The following ESPN variants were observed in gnomAD, a reference collection of about 807,000 sequenced individuals.
ESPN encodes espin, also known as autosomal recessive deafness type 36 protein.
A neutral mutation model predicts 77.7 loss-of-function variants in ESPN; 68 were observed. That is an observed-to-expected ratio of 0.87 (90% CI 0.72 to 1.07). ESPN has a LOEUF of 1.07. ESPN is among the 50% of genes least tolerant of loss of function. ESPN has a pLI of 0.00. For missense variants in ESPN, 1,060 were observed against 1,239.0 expected (o/e 0.86, Z 2.17); for synonymous variants, 449 against 567.1 (o/e 0.79, Z 2.96).
rs1165487398 is a variant in ESPN, at chr1:6,450,266, T to C, written c.1915+1175T>C. On this transcript the variant is annotated intron_variant, in intron 8 of 12. Coordinates refer to ENST00000645284, the MANE Select transcript of ESPN (RefSeq NM_031475.3). This position sits in a 1 kb window ranked among gnomAD's most constrained non-coding sequence, Gnocchi z 4.3. ...AAGCCAGGAACTCGATGGACCACCC[T>C]CATGGGGCCCCAGAGCAGCCTGAGC... is the stretch of plus-strand genomic sequence containing the variant. 2 of 155,706 alleles carry C rather than the reference T, an allele frequency of 1.3e-5. No homozygotes were observed. The highest frequency in any genetic ancestry group is 2.1e-4 in the South Asian group (1 of 4,876). 9.6% of individuals were successfully genotyped at this position (155,706 alleles called of 1,614,324 possible). A position where few individuals can be genotyped will look rare whatever the true frequency, so the allele number is the denominator to read the frequency against.
intron 5 of ESPN, among the ~76,000 whole-genome samples, chr1:6,441,864 C>T (rs535531484): frequency 6.6e-6 from 1 of 152,206 alleles, no homozygotes; most frequent in Non-Finnish European, 1.5e-5. Flanking sequence ...TGCCCTCCCC[C>T]CCCCAGCACA....
Position 6,450,341 on chromosome 1 carries a change from CG to C in ESPN, c.1915+1251del, listed in dbSNP as rs1192918816. 2 of 265,604 alleles carry C rather than the reference CG, an allele frequency of 7.5e-6. No individual in the cohort carries two copies. The highest frequency in any genetic ancestry group is 1.3e-4 in the Admixed American group (2 of 15,240). The allele number at this position is 265,604 out of a possible 1,614,324, so 16.5% of individuals were successfully genotyped here. A position where few individuals can be genotyped will look rare whatever the true frequency, so the allele number is the denominator to read the frequency against. ...CCTCCTCTCTTCTCCACTTCCCCCC[CG>C]CCCGCTCTCCCTGGCCCGCTCCCTG... On this transcript the variant is annotated intron_variant, in intron 8 of 12. Transcript: ENST00000645284. The surrounding 1 kb of genome is among the most constrained non-coding windows in gnomAD (Gnocchi z 4.3).
At chr1:6,441,748 G>T (rs2148520746) in intron 5 of ESPN, among the ~76,000 whole-genome samples, 1 of 152,348 alleles carries the variant, frequency 6.6e-6, no homozygotes, top group East Asian at 1.9e-4. Context: ...AACCCGAAAA[G>T]GATGCGGACC....
At chr1:6,434,651 ATTC>A (rs1172027302) in intron 2 of ESPN, among the ~76,000 whole-genome samples, 3 of 152,126 alleles carry the variant, frequency 2.0e-5, no homozygotes, top group Non-Finnish European at 2.9e-5. Flanking sequence ...ATATTTATTC[ATTC>A]AACAAAAAGC....
At chr1:6,435,417 G>A (rs1401183013) in intron 2 of ESPN, among the ~76,000 whole-genome samples, 1 of 152,254 alleles carries the variant, frequency 6.6e-6, no homozygotes, top group Non-Finnish European at 1.5e-5. Context: ...CCACACGGGC[G>A]ACCCATGTTT....
intron 5 of ESPN, among the ~76,000 whole-genome samples, chr1:6,443,799 G>C (rs1643730626): frequency 6.6e-6 from 1 of 152,242 alleles, no homozygotes; most frequent in Non-Finnish European, 1.5e-5. Context: ...AGCAGGCCTG[G>C]GCAGGAGGCA....
chr1:6,457,498 C>T, intron 12 of ESPN, 126 bp downstream of exon 12: 1 of 1,138,276 alleles, frequency 8.8e-7, no homozygotes, highest in Non-Finnish European at 1.3e-6. Context: ...CAGCCTCCTT[C>T]CTCCCTATAA....
chr1:6,455,534 T>A (rs2148545687), intron 10 of ESPN: 1 of 398,332 alleles, frequency 2.5e-6, no homozygotes, highest in Non-Finnish European at 4.4e-6. Flanking sequence ...GCCTGCTGCG[T>A]CGCGTGCCGG....
chr1:6,460,855 G>C lies in ESPN; in HGVS notation c.*709G>C, dbSNP rs1257589269. 3.3e-6 allele frequency: 1 copy of C among 300,748 alleles called. No homozygotes were observed. Among genetic ancestry groups the C allele is most frequent in the Non-Finnish European group, 6.5e-6 (1 of 153,358 alleles). The allele number at this position is 300,748 out of a possible 1,614,324, so 18.6% of individuals were successfully genotyped here. Reference sequence around the variant, plus strand: ...ATAGAGGATGAGGGGCCCTGACCCTGTGTCTCCAACTGCTGCACCCCATCC... The same window carrying C: ...ATAGAGGATGAGGGGCCCTGACCCTCTGTCTCCAACTGCTGCACCCCATCC... On this transcript the variant is annotated 3_prime_UTR_variant, in exon 13 of 13. Coordinates refer to ENST00000645284, the MANE Select transcript of ESPN (RefSeq NM_031475.3).
At chr1:6,449,567 A>C (rs1239447785) in intron 8 of ESPN, among the ~76,000 whole-genome samples, 1 of 151,604 alleles carries the variant, frequency 6.6e-6, no homozygotes, top group African/African-American at 2.4e-5. Flanking sequence ...TCCTCTCTCC[A>C]CGTCTTTCTC....
At chr1:6,458,195 TTTA>T (rs1343258560) in intron 12 of ESPN, among the ~76,000 whole-genome samples, 5 of 151,684 alleles carry the variant, frequency 3.3e-5, no homozygotes, top group African/African-American at 1.2e-4. Context: ...ATTTTGTATT[TTTA>T]GTAGAGATGG....
intron 6 of ESPN, 115 bp from the exon 7 acceptor site, chr1:6,445,549 G>A (rs1643796787): frequency 2.5e-6 from 3 of 1,185,544 alleles, no homozygotes; most frequent in African/African-American, 1.5e-5. Context: ...ACCAAGTGGT[G>A]CCCGGAGCCC....
At chr1:6,429,422 T>G (rs1247593732) in intron 2 of ESPN, among the ~76,000 whole-genome samples, 2 of 152,148 alleles carry the variant, frequency 1.3e-5, no homozygotes, top group African/African-American at 4.8e-5. Flanking sequence ...GGGTTCCAAC[T>G]GGCTCCTGTC....
Position 6,451,940 on chromosome 1 carries a change from G to A in ESPN, c.2169G>A (p.Val723=), listed in dbSNP as rs1319940517. The A allele has an allele frequency of 1.2e-6, 2 of 1,610,694 alleles. No homozygotes were observed. Among genetic ancestry groups the A allele is most frequent in the African/African-American group, 1.3e-5 (1 of 74,878 alleles). The change falls in exon 10 of 13, where the codon GTG becomes GTA. Residue 723 remains valine (V), a synonymous_variant. Transcript: ENST00000645284. The surrounding 1 kb of genome is among the most constrained non-coding windows in gnomAD (Gnocchi z 4.3). The part of the protein sequence containing the change: ...QPLLNGSLVP[V]PPTTPAPGVQ... ...TGCTCAATGGAAGCTTGGTTCCCGTGCCGCCCACTACTCCTGCGCCGGGAG... is the reference window on the plus strand; with the variant it reads ...TGCTCAATGGAAGCTTGGTTCCCGTACCGCCCACTACTCCTGCGCCGGGAG...
Position 6,451,466 on chromosome 1 carries a change from TG to T in ESPN, c.1916-135del. 2 of 1,266,734 alleles carry T rather than the reference TG, an allele frequency of 1.6e-6. No individual in the cohort carries two copies. Among genetic ancestry groups the T allele is most frequent in the Non-Finnish European group, 2.2e-6 (2 of 893,324 alleles). 78.5% of individuals were successfully genotyped at this position (1,266,734 alleles called of 1,614,324 possible). On this transcript the variant is annotated intron_variant, in intron 8 of 12. Transcript: ENST00000645284. The surrounding 1 kb of genome is among the most constrained non-coding windows in gnomAD (Gnocchi z 4.3). ...AAACCTGCCTGCAGGACCTGGGATC[TG>T]GAGAGCTGCCCGCTGGCCCGGAGGA...
chr1:6,426,616 C>T (rs898415932), intron 1 of ESPN, among the ~76,000 whole-genome samples: 8 of 152,168 alleles, frequency 5.3e-5, no homozygotes, highest in Non-Finnish European at 1.0e-4. Flanking sequence ...AGGCCAGAGC[C>T]CACAGGCCTG....
intron 2 of ESPN, among the ~76,000 whole-genome samples, chr1:6,435,891 T>C (rs1348504857): frequency 1.3e-5 from 2 of 152,222 alleles, no homozygotes; most frequent in Non-Finnish European, 2.9e-5. Context: ...GCACTCCGCA[T>C]GAGGTCAGGA....
intron 5 of ESPN, among the ~76,000 whole-genome samples, chr1:6,441,488 C>A (rs1569655965): frequency 6.6e-6 from 1 of 152,154 alleles, no homozygotes; most frequent in South Asian, 2.1e-4. Context: ...GAGTGGAGAA[C>A]CTACCTTGAT....
At chr1:6,454,658 C>G (rs1056696504) in intron 10 of ESPN, 1 of 398,764 alleles carries the variant, frequency 2.5e-6, no homozygotes, top group African/African-American at 2.1e-5. Context: ...TCTCGGCCGC[C>G]CTGTCGGCGC....
Sources: gnomAD v4.1 joint callset for allele counts (sites outside exome capture counted in the v4.1 genomes callset) on GRCh38, gnomAD v4.1.1 for gene constraint, Gnocchi (gnomAD v3.1) non-coding constraint, MANE v1.5 for transcripts, NCBI Gene and HGNC (gene_info 2026-07-23, HGNC 2026-07-21) for gene names.